DHRSX: variants seen among roughly 807,000 people sequenced by gnomAD.
DHRSX encodes the protein polyprenol dehydrogenase.
DHRSX carries 31 observed loss-of-function variants against 34.0 expected under a neutral mutation model. The ratio of observed to expected loss-of-function variants is 0.91; its 90% CI spans 0.69 to 1.23. The LOEUF is 1.23. Ranked by LOEUF, DHRSX falls within the 50% of genes most tolerant of loss-of-function variation. The pLI, the probability that DHRSX is intolerant of heterozygous loss-of-function variation, is 0.00. For missense variants in DHRSX, 414 were observed against 428.1 expected (o/e 0.97, Z 0.29); for synonymous variants, 201 against 183.8 (o/e 1.09, Z -0.76).
chrX:2,373,382 GA>G (rs2043102709), intron 3 of DHRSX, among the ~76,000 whole-genome samples: 1 of 152,226 alleles, frequency 6.6e-6, no homozygotes, highest in Admixed American at 6.5e-5. Context: ...ATCATCTAGG[GA>G]AGCTATGCTG....
chrX:2,284,213 C>T (rs1005406868), intron 4 of DHRSX, among the ~76,000 whole-genome samples: 93 of 152,292 alleles, frequency 6.1e-4, no homozygotes, highest in Middle Eastern at 3.4e-3. Context: ...CCTTTGAATT[C>T]ATTCGTTCCT....
chrX:2,300,770 T>C (rs1332299916), intron 3 of DHRSX, among the ~76,000 whole-genome samples: 1 of 152,110 alleles, frequency 6.6e-6, no homozygotes, highest in Admixed American at 6.6e-5. Flanking sequence ...AACCCCCCTT[T>C]ATATATAGCT....
At chrX:2,296,460 G>A (rs753272093) in intron 3 of DHRSX, among the ~76,000 whole-genome samples, 1 of 152,198 alleles carries the variant, frequency 6.6e-6, no homozygotes, top group East Asian at 1.9e-4. Context: ...ATAGACCCGA[G>A]GCAGACAGGA....
At position 2,383,402 on chromosome X, in the gene DHRSX, CCAT is replaced by C. The variant is rs1032436809; in HGVS notation, c.286+25340_286+25342del. Among the ~76,000 whole-genome samples, 187 of 151,642 alleles carry C rather than the reference CCAT, an allele frequency of 1.2e-3. 1 individual carries two copies. The highest frequency in any genetic ancestry group is 3.8e-3 in the African/African-American group (157 of 41,364). Reference sequence around the variant, plus strand: ...ATCATCACCATCGTCATGATCATCACCATCATCATCATCATCACCATCATCACA... The same window carrying C: ...ATCATCACCATCGTCATGATCATCACCATCATCATCATCACCATCATCACA... On this transcript the variant is annotated intron_variant, in intron 3 of 6. Coordinates refer to ENST00000334651, the MANE Select transcript of DHRSX (RefSeq NM_145177.3).
chrX:2,401,720 G>A (rs1218173573), intron 3 of DHRSX, among the ~76,000 whole-genome samples: 4 of 152,092 alleles, frequency 2.6e-5, no homozygotes, highest in Middle Eastern at 3.2e-3. Flanking sequence ...ATATTTGGAG[G>A]AGTTTCGGTA....
intron 3 of DHRSX, among the ~76,000 whole-genome samples, chrX:2,333,253 G>C (rs766953593): frequency 1.4e-3 from 214 of 152,184 alleles, no homozygotes; most frequent in African/African-American, 4.5e-3. Flanking sequence ...ATAACACATA[G>C]CTTAAAACAC....
intron 1 of DHRSX, among the ~76,000 whole-genome samples, chrX:2,428,076 CA>C (rs747879598): frequency 1.2e-4 from 18 of 152,090 alleles, no homozygotes; most frequent in African/African-American, 3.9e-4. Context: ...CGACATAGAG[CA>C]TAAAAAATAG....
chrX:2,484,268 C>G (rs1409885922), intron 1 of DHRSX, among the ~76,000 whole-genome samples: 1 of 152,202 alleles, frequency 6.6e-6, no homozygotes, highest in Non-Finnish European at 1.5e-5. Context: ...CCACCACACC[C>G]AGCAATGGAT....
At chrX:2,266,586 C>A in intron 5 of DHRSX, 154 bp downstream of exon 5, 1 of 233,290 alleles carries the variant, frequency 4.3e-6, no homozygotes, top group Non-Finnish European at 7.0e-6. Context: ...GCACTGTCCC[C>A]AAAGCACCAG....
intron 3 of DHRSX, among the ~76,000 whole-genome samples, chrX:2,344,321 G>A (rs1345765394): frequency 6.6e-6 from 1 of 152,122 alleles, no homozygotes; most frequent in Non-Finnish European, 1.5e-5. Context: ...AGTTAGAATG[G>A]CGATCACTAA....
At chrX:2,298,604 A>ACACACACACACACACACACATG (rs2041965398) in intron 3 of DHRSX, among the ~76,000 whole-genome samples, 1 of 15,232 alleles carries the variant, frequency 6.6e-5, no homozygotes, top group African/African-American at 1.1e-4. Context: ...GCGTGTGTAC[A>ACACACACACACACACACACATG]CACACACACA....
intron 3 of DHRSX, among the ~76,000 whole-genome samples, chrX:2,346,234 C>A (rs1305447550): frequency 4.7e-5 from 4 of 85,144 alleles, no homozygotes; most frequent in African/African-American, 7.1e-5. Context: ...CACGCAGCTA[C>A]AGAGGTGCAT....
chrX:2,350,630 C>T (rs1304535496), intron 3 of DHRSX, among the ~76,000 whole-genome samples: 1 of 152,112 alleles, frequency 6.6e-6, no homozygotes, highest in Non-Finnish European at 1.5e-5. Context: ...TGGTATATAA[C>T]ATGAATCAGT....
At chrX:2,485,067 AC>A (rs1569506000) in intron 1 of DHRSX, among the ~76,000 whole-genome samples, 1 of 152,026 alleles carries the variant, frequency 6.6e-6, no homozygotes, top group African/African-American at 2.4e-5. Context: ...GGAAACAAAA[AC>A]AACCAGCTCA....
chrX:2,324,800 G>A (rs2042357701), intron 3 of DHRSX, among the ~76,000 whole-genome samples: 1 of 140,194 alleles, frequency 7.1e-6, no homozygotes, highest in Non-Finnish European at 1.5e-5. Context: ...ATGGAGTCCC[G>A]CTCTGTCGCC....
chrX:2,412,308 G>A (rs1313506687), intron 2 of DHRSX, among the ~76,000 whole-genome samples: 5 of 152,102 alleles, frequency 3.3e-5, no homozygotes, highest in Non-Finnish European at 5.9e-5. Context: ...GGTCTTGAAC[G>A]CCTGACCTCG....
intron 3 of DHRSX, among the ~76,000 whole-genome samples, chrX:2,324,843 A>C (rs1353313208): frequency 7.0e-6 from 1 of 142,594 alleles, no homozygotes; most frequent in Non-Finnish European, 1.5e-5. Context: ...ATGTTCGCTC[A>C]TTGCAACCTC....
At chrX:2,348,698 T>A (rs73189670) in intron 3 of DHRSX, among the ~76,000 whole-genome samples, 23,242 of 150,908 alleles carry the variant, frequency 0.15, 2,217 homozygotes, top group Non-Finnish European at 0.21. Context: ...TTTTATTTTT[T>A]TTTTTTTTAT....
At chrX:2,447,249 A>C (rs2044150608) in intron 1 of DHRSX, among the ~76,000 whole-genome samples, 1 of 152,084 alleles carries the variant, frequency 6.6e-6, no homozygotes, top group Non-Finnish European at 1.5e-5. Context: ...AACACCACTG[A>C]AGACGTTCCC....
Sources: gnomAD v4.1 joint callset for allele counts (sites outside exome capture counted in the v4.1 genomes callset) on GRCh38, gnomAD v4.1.1 for gene constraint, MANE v1.5 for transcripts, NCBI Gene and HGNC (gene_info 2026-07-23, HGNC 2026-07-21) for gene names.